CDH20: variants seen among roughly 807,000 people sequenced by gnomAD.
The protein encoded by CDH20 is cadherin-20.
CDH20 carries 29 observed loss-of-function variants against 74.2 expected under a neutral mutation model. The ratio of observed to expected loss-of-function variants is 0.39; its 90% CI spans 0.29 to 0.53. The LOEUF is 0.53. Ranked by LOEUF, CDH20 falls within the 20% of genes least tolerant of loss-of-function variation. The pLI, the probability that CDH20 is intolerant of heterozygous loss-of-function variation, is 0.69. For synonymous variants in CDH20, 469 were observed against 405.4 expected (o/e 1.16, Z -1.88); for missense variants, 988 against 1,048.3 (o/e 0.94, Z 0.79).
rs145381206 is a variant in CDH20 at position 61,508,762 on chromosome 18, G to A, written c.1017+1202G>A. ...AGCAATTCTCCTGCTTCAGCCTCCC[G>A]AGTAGCTGGGACTACAGGGGCACAC... is the stretch of plus-strand genomic sequence containing the variant. On this transcript the variant is annotated intron_variant, in intron 6 of 11. Coordinates refer to ENST00000262717, the MANE Select transcript of CDH20 (RefSeq NM_031891.4). Among the ~76,000 whole-genome samples the A allele has an allele frequency of 4.2e-3, 636 of 152,074 alleles. 15 individuals are homozygous for A. Among genetic ancestry groups the A allele is most frequent in the Non-Finnish European group, 5.4e-3 (366 of 67,990 alleles).
chr18:61,356,618 G>A (rs10513875), intron 1 of CDH20, among the ~76,000 whole-genome samples: 1 of 151,992 alleles, frequency 6.6e-6, no homozygotes, highest in Admixed American at 6.6e-5. Flanking sequence ...GCAATTCACA[G>A]GCAGTTAAGT....
At position 61,500,429 on chromosome 18, in the gene CDH20, C is replaced by T; in HGVS notation, c.588C>T (p.Thr196=). 1 of 1,613,252 alleles carries T rather than the reference C, an allele frequency of 6.2e-7. No individual in the cohort carries two copies. Residue 196 remains threonine (T), a synonymous_variant, in exon 4 of 12, where the codon ACC becomes ACT. Transcript: ENST00000262717. ...QVTATDADDP[T]YGNSARVVYS... is the part of the protein sequence containing the mutation. Reference sequence around the variant, plus strand: ...CAGCCACAGATGCAGATGACCCGACCTACGGCAACAGTGCCAGGGTGGTGT... The same window carrying T: ...CAGCCACAGATGCAGATGACCCGACTTACGGCAACAGTGCCAGGGTGGTGT...
chr18:61,469,428 A>G (rs1910085068), intron 1 of CDH20, among the ~76,000 whole-genome samples: 1 of 151,958 alleles, frequency 6.6e-6, no homozygotes, highest in African/African-American at 2.4e-5. Flanking sequence ...ACATTATTTT[A>G]GAAATACAGA....
chr18:61,428,554 G>C (rs1913150976), intron 1 of CDH20, among the ~76,000 whole-genome samples: 1 of 152,156 alleles, frequency 6.6e-6, no homozygotes, highest in Non-Finnish European at 1.5e-5. Flanking sequence ...TCCCATCACT[G>C]TAGAAGATCC....
At chr18:61,384,555 T>C (rs921076324) in intron 1 of CDH20, among the ~76,000 whole-genome samples, 2 of 152,202 alleles carry the variant, frequency 1.3e-5, no homozygotes, top group African/African-American at 4.8e-5. Context: ...AAAGATTGGC[T>C]GTCATTGTCT....
intron 5 of CDH20, among the ~76,000 whole-genome samples, chr18:61,506,064 T>A (rs1259787122): frequency 6.6e-6 from 1 of 152,242 alleles, no homozygotes; most frequent in African/African-American, 2.4e-5. Flanking sequence ...TTACATTGAA[T>A]AAGCTAAGCC....
intron 9 of CDH20, among the ~76,000 whole-genome samples, chr18:61,540,092 T>C (rs541662810): frequency 6.6e-6 from 1 of 152,242 alleles, no homozygotes; most frequent in African/African-American, 2.4e-5. Flanking sequence ...AATCTGTCCA[T>C]CTCCTCCATT....
chr18:61,528,026 C>A lies in CDH20; in HGVS notation c.1077C>A (p.His359Gln). ...TAAAGGTGGAGGGAGCCAATCCTCA[C>A]CTAGAGATGCGTTTTCTGAACTTGG... The part of the protein sequence containing the change: ...YTLKVEGANP[H>Q]LEMRFLNLGP... Residue 359 changes from histidine (H) to glutamine (Q), a missense_variant, in exon 7 of 12, where the codon CAC becomes CAA. Physicochemically the swap from His to Gln is conservative, Grantham distance 24. Transcript: ENST00000262717. The A allele has an allele frequency of 6.2e-7, 1 of 1,614,088 alleles. No homozygotes were observed. Among genetic ancestry groups the A allele is most frequent in the Non-Finnish European group, 8.5e-7 (1 of 1,179,942 alleles).
chr18:61,530,710 C>T (rs1912607850), intron 7 of CDH20, among the ~76,000 whole-genome samples: 1 of 152,096 alleles, frequency 6.6e-6, no homozygotes, highest in Non-Finnish European at 1.5e-5. Context: ...GTTTGGATCC[C>T]CTGAATTTTT....
intron 1 of CDH20, among the ~76,000 whole-genome samples, chr18:61,336,363 G>T (rs1370150058): frequency 1.3e-5 from 2 of 152,200 alleles, no homozygotes; most frequent in Non-Finnish European, 2.9e-5. Context: ...GTCAGTCATA[G>T]CGCAGTAGTC....
intron 6 of CDH20, among the ~76,000 whole-genome samples, chr18:61,511,791 C>T (rs1911792017): frequency 6.6e-6 from 1 of 152,170 alleles, no homozygotes; most frequent in South Asian, 2.1e-4. Context: ...CTGTTTTTCA[C>T]TGTCATTACT....
At chr18:61,435,584 G>A (rs996430754) in intron 1 of CDH20, among the ~76,000 whole-genome samples, 3 of 152,030 alleles carry the variant, frequency 2.0e-5, no homozygotes, top group African/African-American at 4.8e-5. Flanking sequence ...AGGAAATGCA[G>A]GAGGGATGCC....
intron 8 of CDH20, 100 bp downstream of exon 8, chr18:61,536,729 T>A: frequency 1.9e-6 from 2 of 1,038,998 alleles, no homozygotes; most frequent in Non-Finnish European, 2.9e-6. Flanking sequence ...TTATATCCTT[T>A]AAGGGAAGAA....
chr18:61,497,400 T>G (rs930929340), intron 2 of CDH20, among the ~76,000 whole-genome samples: 2 of 152,190 alleles, frequency 1.3e-5, no homozygotes, highest in Admixed American at 6.5e-5. Flanking sequence ...TTTATTGGTG[T>G]TCATGCTGTT....
At chr18:61,538,626 T>G (rs569028492) in intron 8 of CDH20, among the ~76,000 whole-genome samples, 1,578 of 101,532 alleles carry the variant, frequency 0.016, 426 homozygotes, top group African/African-American at 0.05. Flanking sequence ...TTTTGTTTTG[T>G]TTTTTTTTTT....
chr18:61,368,886 T>G (rs1315121229), intron 1 of CDH20, among the ~76,000 whole-genome samples: 1 of 3,922 alleles, frequency 2.5e-4, no homozygotes, highest in African/African-American at 8.6e-4. Context: ...AAGTTCCAAA[T>G]AAGTTGGGGA....
At chr18:61,441,580 GA>G (rs1229989688) in intron 1 of CDH20, among the ~76,000 whole-genome samples, 1 of 151,962 alleles carries the variant, frequency 6.6e-6, no homozygotes, top group Non-Finnish European at 1.5e-5. Context: ...GTAAGACAAA[GA>G]AAAAAATGAA....
intron 1 of CDH20, among the ~76,000 whole-genome samples, chr18:61,376,993 G>A (rs889071342): frequency 1.2e-4 from 18 of 152,234 alleles, no homozygotes; most frequent in African/African-American, 3.1e-4. Context: ...TAGCTGATAC[G>A]ACCAGAAAAG....
intron 1 of CDH20, among the ~76,000 whole-genome samples, chr18:61,421,786 G>A (rs547913606): frequency 1.3e-5 from 2 of 152,088 alleles, no homozygotes; most frequent in South Asian, 4.2e-4. Flanking sequence ...TAAACCAGAT[G>A]GATAGATAGA....
Sources: gnomAD v4.1 joint callset for allele counts (sites outside exome capture counted in the v4.1 genomes callset) on GRCh38, gnomAD v4.1.1 for gene constraint, MANE v1.5 for transcripts, NCBI Gene and HGNC (gene_info 2026-07-23, HGNC 2026-07-21) for gene names.